The following ACYP2 variants were observed in gnomAD, a reference collection of about 807,000 sequenced individuals.
The protein encoded by ACYP2 is acylphosphatase 2.
Under a neutral mutation model 11.2 loss-of-function variants are expected in ACYP2, and 12 were observed. The observed-to-expected ratio is 1.08, with a 90% CI of 0.69 to 1.74. The LOEUF (loss-of-function observed/expected upper bound fraction) is 1.74. ACYP2 is among the 40% of genes most tolerant of loss of function. The pLI, the probability that ACYP2 is intolerant of heterozygous loss-of-function variation, is 0.00. For synonymous variants in ACYP2, 43 were observed against 32.2 expected, an observed-to-expected ratio of 1.33 and a Z score of -1.13; for missense variants, 134 against 101.9, an observed-to-expected ratio of 1.31 and a Z score of -1.35.
chr2:54,022,429 TAGA>T (rs1674054937), intron 2 of ACYP2, among the ~76,000 whole-genome samples: 1 of 152,158 alleles, frequency 6.6e-6, no homozygotes, highest in Non-Finnish European at 1.5e-5. Flanking sequence ...TCACCCATGC[TAGA>T]GTACAGTGGC....
At chr2:54,255,259 A>T in intron 6 of ACYP2, 1 of 1,614,140 alleles carries the variant, frequency 6.2e-7, no homozygotes, top group African/African-American at 1.3e-5. Context: ...GTTTCTTTGA[A>T]AGAAGAACTT....
At chr2:53,994,036 A>G (rs1182209960) in intron 2 of ACYP2, among the ~76,000 whole-genome samples, 1 of 151,966 alleles carries the variant, frequency 6.6e-6, no homozygotes, top group Non-Finnish European at 1.5e-5. Flanking sequence ...ATCGTACAAA[A>G]TATTAGCCAG....
chr2:54,103,205 G>A (rs989818268), intron 4 of ACYP2, among the ~76,000 whole-genome samples: 1 of 152,224 alleles, frequency 6.6e-6, no homozygotes, highest in African/African-American at 2.4e-5. Context: ...GTTGGAGTGT[G>A]TGAGAAAGAA....
chr2:54,204,026 G>T (rs984002379), intron 6 of ACYP2, among the ~76,000 whole-genome samples: 1 of 152,002 alleles, frequency 6.6e-6, no homozygotes, highest in Non-Finnish European at 1.5e-5. Flanking sequence ...ACGGAGTCTC[G>T]CTCTGTCACC....
intron 6 of ACYP2, among the ~76,000 whole-genome samples, chr2:54,174,508 C>A (rs1350709762): frequency 6.6e-6 from 1 of 152,070 alleles, no homozygotes; most frequent in Non-Finnish European, 1.5e-5. Flanking sequence ...TAATTGGATA[C>A]CCTTTATTTC....
At chr2:54,060,583 A>G (rs1676415870) in intron 4 of ACYP2, among the ~76,000 whole-genome samples, 1 of 152,152 alleles carries the variant, frequency 6.6e-6, no homozygotes, top group African/African-American at 2.4e-5. Flanking sequence ...ACTTTTAATA[A>G]CCTAATTTAT....
At chr2:54,218,273 G>A (rs17045660) in intron 6 of ACYP2, among the ~76,000 whole-genome samples, 7,377 of 152,184 alleles carry the variant, frequency 0.048, 610 homozygotes, top group African/African-American at 0.17. Flanking sequence ...ACACTCTGAG[G>A]ATCTCATCCT....
intron 4 of ACYP2, among the ~76,000 whole-genome samples, chr2:54,065,071 G>A (rs1676670780): frequency 6.6e-6 from 1 of 150,814 alleles, no homozygotes; most frequent in Non-Finnish European, 1.5e-5. Flanking sequence ...GTGACAGAGT[G>A]AGACTCCATC....
chr2:54,301,503 A>C (rs529608651), intron 6 of ACYP2, among the ~76,000 whole-genome samples: 179 of 152,230 alleles, frequency 1.2e-3, no homozygotes, highest in South Asian at 8.3e-3. Flanking sequence ...TGAGGAAAGG[A>C]ATTCCATTTT....
At chr2:54,171,409 A>G (rs921781670) in intron 6 of ACYP2, among the ~76,000 whole-genome samples, 10 of 152,168 alleles carry the variant, frequency 6.6e-5, no homozygotes, top group Non-Finnish European at 1.5e-4. Context: ...GGCCAAATGC[A>G]TATCTTCTCT....
intron 2 of ACYP2, among the ~76,000 whole-genome samples, chr2:53,978,364 A>G (rs1217644443): frequency 6.6e-6 from 1 of 152,174 alleles, no homozygotes; most frequent in East Asian, 1.9e-4. Context: ...TAGAGTCCTC[A>G]TCAAATCATG....
At chr2:54,142,770 A>T (rs1352759310) in intron 6 of ACYP2, 1 of 152,204 alleles carries the variant, frequency 6.6e-6, no homozygotes, top group Non-Finnish European at 1.5e-5. Context: ...CATTTTTATG[A>T]TATTAAATCT....
intron 6 of ACYP2, among the ~76,000 whole-genome samples, chr2:54,268,639 CAAAAAAAAAAAA>C (rs34122735): frequency 1.2e-5 from 1 of 81,298 alleles, no homozygotes; most frequent in Non-Finnish European, 2.5e-5. Context: ...CAGTCTCTAC[CAAAAAAAAAAAA>C]AAAAAAAAAT....
intron 4 of ACYP2, chr2:54,079,892 A>T (rs1677554526): frequency 8.3e-6 from 1 of 121,192 alleles, no homozygotes; most frequent in Non-Finnish European, 1.9e-5. Flanking sequence ...AAACAACAAT[A>T]ATATTTTAAA....
chr2:54,153,139 G>A (rs545743597), intron 6 of ACYP2, among the ~76,000 whole-genome samples: 113 of 152,086 alleles, frequency 7.4e-4, no homozygotes, highest in Admixed American at 1.2e-3. Context: ...ATTTCGAGTT[G>A]TGTTTTGTAT....
intron 6 of ACYP2, among the ~76,000 whole-genome samples, chr2:54,201,680 T>TTCTTTCTTTCTTTCTTTCTCTCTC (rs1395606887): frequency 1.9e-5 from 2 of 107,292 alleles, no homozygotes; most frequent in Non-Finnish European, 3.8e-5. Flanking sequence ...CTTTCTTTCT[T>TTCTTTCTTTCTTTCTTTCTCTCTC]TCTCTCTCTC....
chr2:54,069,490 G>A lies in ACYP2; in HGVS notation c.277+12130G>A, dbSNP rs565199291. 9.2e-5 allele frequency among the ~76,000 whole-genome samples: 14 copies of A among 151,974 alleles called. No individual in the cohort carries two copies. In the South Asian group the frequency reaches 1.9e-3, roughly 20 times the overall value. On this transcript the variant is annotated intron_variant, in intron 4 of 6. Coordinates refer to ENST00000607452, the MANE Select transcript of ACYP2 (RefSeq NM_001320586.2). ...ATCTTTGCTAACACGGTGAAACCCT[G>A]TCTCTACTAAAAATACAAAAAATTA...
At chr2:54,298,355 A>G (rs534074193) in intron 6 of ACYP2, among the ~76,000 whole-genome samples, 1 of 138,070 alleles carries the variant, frequency 7.2e-6, no homozygotes, top group East Asian at 2.1e-4. Context: ...TAAAGGATAA[A>G]GCCATACTTT....
intron 4 of ACYP2, among the ~76,000 whole-genome samples, chr2:54,111,620 C>T (rs534659268): frequency 1.8e-4 from 27 of 152,352 alleles, no homozygotes; most frequent in African/African-American, 6.0e-4. Flanking sequence ...ACTTGCTCAG[C>T]TGACCAACAG....
Sources: gnomAD v4.1 joint callset for allele counts (sites outside exome capture counted in the v4.1 genomes callset) on GRCh38, gnomAD v4.1.1 for gene constraint, MANE v1.5 for transcripts, NCBI Gene and HGNC (gene_info 2026-07-23, HGNC 2026-07-21) for gene names.